Variants in SMS observed in about 807,000 individuals in gnomAD.
The protein encoded by SMS is spermidine aminopropyltransferase.
A neutral mutation model predicts 33.0 loss-of-function variants in SMS; 3 were observed. That is an observed-to-expected ratio of 0.09 (90% confidence interval 0.04 to 0.23). SMS has a LOEUF of 0.23. Among genes scored for constraint, SMS ranks in the 10% least tolerant of loss-of-function variants. The pLI, the probability that SMS is intolerant of heterozygous loss-of-function variation, is 1.00. For missense variants in SMS, 117 were observed against 288.6 expected, an observed-to-expected ratio of 0.41 and a Z score of 4.31; for synonymous variants, 103 against 112.2, an observed-to-expected ratio of 0.92 and a Z score of 0.52.
chrX:21,967,699 G>A (rs1298944116), intron 2 of SMS, among the ~76,000 whole-genome samples: 1 of 112,107 alleles, frequency 8.9e-6, no homozygotes, highest in Non-Finnish European at 1.9e-5. Context: ...AGGTAGATGA[G>A]TGTCATTACA....
chrX:21,959,089 T>G (rs6633495), intron 1 of SMS, among the ~76,000 whole-genome samples: 1 of 111,703 alleles, frequency 9.0e-6, no homozygotes, highest in East Asian at 2.8e-4. Flanking sequence ...TTGTGTGTCA[T>G]GAGCTTCATT....
chrX:21,959,349 G>C (rs1923182285), intron 1 of SMS, among the ~76,000 whole-genome samples: 1 of 112,061 alleles, frequency 8.9e-6, no homozygotes, highest in African/African-American at 3.2e-5. Context: ...CCTGCTGCCT[G>C]TCAGTCTTCG....
chrX:21,944,522 CA>C (rs777680386), intron 1 of SMS, among the ~76,000 whole-genome samples: 5,082 of 34,391 alleles, frequency 0.15, 229 homozygotes, highest in African/African-American at 0.35. Context: ...CCTGTCTCTA[CA>C]AAAAAAAAAA....
At chrX:21,965,921 A>G (rs1426442877) in intron 1 of SMS, among the ~76,000 whole-genome samples, 1 of 111,427 alleles carries the variant, frequency 9.0e-6, no homozygotes, top group African/African-American at 3.3e-5. Flanking sequence ...GCGCCAATGC[A>G]CTTCAACCTG....
intron 1 of SMS, 105 bp downstream of exon 1, chrX:21,940,978 G>C (rs1921714371): frequency 2.3e-5 from 7 of 308,397 alleles, no homozygotes; most frequent in Non-Finnish European, 3.1e-5. Context: ...CGAACAATGC[G>C]GGCGGCCCGC....
At chrX:21,988,662 CAAAAAA>C (rs199561897) in intron 9 of SMS, among the ~76,000 whole-genome samples, 3 of 66,138 alleles carry the variant, frequency 4.5e-5, no homozygotes, top group Non-Finnish European at 5.7e-5. Flanking sequence ...GACTCTGTCT[CAAAAAA>C]AAAAAAAAAA....
At chrX:21,980,536 C>A (rs1924869930) in intron 7 of SMS, among the ~76,000 whole-genome samples, 1 of 103,135 alleles carries the variant, frequency 9.7e-6, no homozygotes, top group African/African-American at 3.5e-5. Context: ...AATAAAATTG[C>A]AATAGAGATG....
chrX:21,946,501 A>C (rs780414937), intron 1 of SMS, among the ~76,000 whole-genome samples: 5 of 112,042 alleles, frequency 4.5e-5, no homozygotes, highest in Non-Finnish European at 7.5e-5. Context: ...AATAGGCCTA[A>C]TCTTGAGGTT....
chrX:21,990,490 C>T (rs189912755), intron 9 of SMS, among the ~76,000 whole-genome samples: 39 of 112,284 alleles, frequency 3.5e-4, no homozygotes, highest in Non-Finnish European at 4.5e-4. Flanking sequence ...TCTGCATCTC[C>T]CATTTGTTTC....
intron 1 of SMS, among the ~76,000 whole-genome samples, chrX:21,963,924 G>A (rs1207900424): frequency 1.8e-5 from 2 of 111,885 alleles, no homozygotes; most frequent in Non-Finnish European, 1.9e-5. Flanking sequence ...CTTAATTTCA[G>A]AATGGCTCTT....
intron 1 of SMS, among the ~76,000 whole-genome samples, chrX:21,956,768 T>C (rs915868505): frequency 1.2e-4 from 13 of 112,198 alleles, no homozygotes; most frequent in Non-Finnish European, 2.4e-4. Context: ...GTGCCCGGTG[T>C]ATTTTTAGCA....
At chrX:21,963,243 CAGGG>C (rs1180318265) in intron 1 of SMS, among the ~76,000 whole-genome samples, 1 of 111,133 alleles carries the variant, frequency 9.0e-6, no homozygotes, top group East Asian at 2.8e-4. Flanking sequence ...GGCTGGGTGA[CAGGG>C]AGGCCCCAAA....
At position 21,985,336 on chromosome X, in the gene SMS, A is replaced by C. The variant is rs758527187; in HGVS notation, c.945+113A>C. On this transcript the variant is annotated intron_variant, in intron 9 of 10. Coordinates refer to ENST00000404933, the MANE Select transcript of SMS (RefSeq NM_004595.5). The stretch of plus-strand genomic sequence containing the variant: ...ATTAAGGATAGAGCGGCATCATCGG[A>C]TTATGTTCTTTCAAACAGTAAGCTT... The C allele has an allele frequency of 8.1e-6, 4 of 495,532 alleles. No individual in the cohort carries two copies. The South Asian group carries it at 1.0e-4, about 12-fold the overall frequency. The allele number at this position is 495,532 out of a possible 1,213,427, so 40.8% of individuals were successfully genotyped here. A position where few individuals can be genotyped will look rare whatever the true frequency, so the allele number is the denominator to read the frequency against.
chrX:21,957,221 A>G (rs897876169), intron 1 of SMS, among the ~76,000 whole-genome samples: 2 of 109,316 alleles, frequency 1.8e-5, no homozygotes, highest in Non-Finnish European at 3.8e-5. Flanking sequence ...AAGTTACCAC[A>G]AATTTAGTCA....
At chrX:21,985,122 A>G in intron 8 of SMS, 22 bp from the exon 9 acceptor site, 1 of 1,044,316 alleles carries the variant, frequency 9.6e-7, no homozygotes, top group South Asian at 1.9e-5. Context: ...TATTTATGAA[A>G]CTTGTTCTTT....
At chrX:21,942,754 T>G (rs993486095) in intron 1 of SMS, among the ~76,000 whole-genome samples, 20 of 108,599 alleles carry the variant, frequency 1.8e-4, no homozygotes, top group Non-Finnish European at 3.6e-4. Flanking sequence ...TAGTAAGGGG[T>G]GAGTCTGGGA....
At chrX:21,944,539 A>AAAAAAAAAAAAAAGAAAAG (rs776946474) in intron 1 of SMS, among the ~76,000 whole-genome samples, 4 of 81,437 alleles carry the variant, frequency 4.9e-5, no homozygotes, top group Admixed American at 3.5e-4. Context: ...AAAAAAAAAA[A>AAAAAAAAAAAAAAGAAAAG]AAAAAAGAAA....
chrX:21,987,169 G>C (rs1385433465), intron 9 of SMS, among the ~76,000 whole-genome samples: 2 of 110,484 alleles, frequency 1.8e-5, no homozygotes, highest in East Asian at 5.7e-4. Flanking sequence ...CTGATTTTTT[G>C]TATTTTTAGT....
Position 21,987,026 on chromosome X carries a change from G to A in SMS, c.945+1803G>A, listed in dbSNP as rs752868745. Reference sequence around the variant, plus strand: ...TTTTTTTTTTTTGAGATGGAGTTGCGCTCTTGTTTCCCAGGCTGGAGTGCA... The same window carrying A: ...TTTTTTTTTTTTGAGATGGAGTTGCACTCTTGTTTCCCAGGCTGGAGTGCA... On this transcript the variant is annotated intron_variant, in intron 9 of 10. Coordinates refer to ENST00000404933, the MANE Select transcript of SMS (RefSeq NM_004595.5). Among the ~76,000 whole-genome samples the A allele has an allele frequency of 3.9e-3, 367 of 94,843 alleles. 1 individual carries two copies. The highest frequency in any genetic ancestry group is 0.014 in the African/African-American group (330 of 23,311). The allele number at this position is 94,843 out of a possible 115,157, so 82.4% of individuals were successfully genotyped here.
Sources: allele counts gnomAD v4.1 joint callset (sites outside exome capture counted in the v4.1 genomes callset), GRCh38; gene constraint gnomAD v4.1.1; transcripts MANE v1.5; gene names NCBI Gene and HGNC (gene_info 2026-07-23, HGNC 2026-07-21).